KDM6B: variants seen among roughly 807,000 people sequenced by gnomAD.
The protein encoded by KDM6B is lysine demethylase 6B.
A neutral mutation model predicts 150.4 loss-of-function variants in KDM6B; 22 were observed. The observed-to-expected ratio is 0.15, with a 90% CI of 0.10 to 0.21. The LOEUF (loss-of-function observed/expected upper bound fraction) is 0.21, where lower values mean the gene tolerates loss of function less well. Among genes scored for constraint, KDM6B ranks in the 10% least tolerant of loss-of-function variants. The probability of loss-of-function intolerance (pLI) is 1.00; values close to 1 mark genes in which losing one functional copy is unlikely to be tolerated. For missense variants in KDM6B, 1,984 were observed against 2,234.3 expected, an observed-to-expected ratio of 0.89 and a Z score of 2.26; for synonymous variants, 1,148 against 921.1, an observed-to-expected ratio of 1.25 and a Z score of -4.46.
chr17:7,845,251 C>T, intron 3 of KDM6B, 63 bp from the exon 4 acceptor site: 1 of 541,270 alleles, frequency 1.8e-6, no homozygotes, highest in Non-Finnish European at 3.3e-6. Flanking sequence ...GTCCGCCCAT[C>T]CCAGCCCCTG....
In KDM6B at chr17:7,845,649, C is replaced by T. The variant is rs753819960; in HGVS notation, c.95C>T (p.Pro32Leu). 54 of 1,614,040 alleles carry T rather than the reference C, an allele frequency of 3.3e-5. No homozygotes were observed. Among genetic ancestry groups the T allele is most frequent in the East Asian group, 4.5e-5 (2 of 44,888 alleles). ...LSCAGAWSSC[P>L]PHPPPRSAWL... is the part of the protein sequence containing the mutation. ...TGTGCTGGGGCCTGGAGCTCCTGCC[C>T]GCCTCATCCCCCTCCTCGTAGCGCA... Residue 32 changes from proline (P) to leucine (L), a missense_variant, in exon 5 of 24, where the codon CCG becomes CTG. This residue lies in a region of KDM6B where 337 missense variants were observed against 323.9 expected (regional missense o/e 1.04). Transcript: ENST00000448097.
At chr17:7,836,380 C>T (rs1358577358) in intron 1 of KDM6B, among the ~76,000 whole-genome samples, 1 of 152,230 alleles carries the variant, frequency 6.6e-6, no homozygotes, top group Admixed American at 6.5e-5. Context: ...TTCCTCTCGC[C>T]GTGTCCTGGT....
intron 2 of KDM6B, chr17:7,840,677 TTCTC>T (rs1240879704): frequency 6.6e-6 from 1 of 152,272 alleles, no homozygotes; most frequent in African/African-American, 2.4e-5. Flanking sequence ...GGGGCTTAAG[TTCTC>T]TCTGTGTTGT....
chr17:7,851,841 A>T, intron 18 of KDM6B, 45 bp downstream of exon 18: 1 of 1,563,234 alleles, frequency 6.4e-7, no homozygotes, highest in Non-Finnish European at 8.7e-7. Context: ...GCGCGAGAGG[A>T]GGGGCTGGCG....
chr17:7,834,500 G>C (rs1018613181), intron 1 of KDM6B, among the ~76,000 whole-genome samples, 150 bp downstream of exon 1: 13 of 152,066 alleles, frequency 8.5e-5, no homozygotes, highest in Non-Finnish European at 1.9e-4. Flanking sequence ...GGAGGTCATG[G>C]GTCCCCTAGA....
At position 7,848,911 on chromosome 17, in the gene KDM6B, G is replaced by A. The variant is rs761513384; in HGVS notation, c.2623G>A (p.Gly875Ser). 229 of 1,603,400 alleles carry A rather than the reference G, an allele frequency of 1.4e-4. No individual in the cohort carries two copies. Among genetic ancestry groups the A allele is most frequent in the Non-Finnish European group, 1.8e-4 (211 of 1,173,824 alleles). The change falls in exon 12 of 24, where the codon GGC (glycine) becomes AGC (serine). Residue 875 changes from glycine to serine, a missense_variant. Around this residue, in one of 13 missense-constraint regions of KDM6B, gnomAD observed 1,379 missense variants for 1,275.6 expected, o/e 1.08. Coordinates refer to ENST00000448097, the MANE Select transcript of KDM6B (RefSeq NM_001348716.2). ...CTCGTCATCTCAGTTCTCTACCTCA[G>A]GCGGGCCCTGGGCCCGGGAGCGCAG... ...ASSSSQFSTS[G>S]GPWARERRAG...
Position 7,846,121 on chromosome 17 carries a change from C to T in KDM6B, c.280C>T (p.His94Tyr), listed in dbSNP as rs760829630. The T allele has an allele frequency of 5.0e-6, 8 of 1,613,050 alleles. No individual in the cohort carries two copies. The highest frequency in any genetic ancestry group is 6.8e-6 in the Non-Finnish European group (8 of 1,179,756). ...CCTCCATGGGAAGCTGGAATCCCTG[C>T]ATGGCTGTGTGCAGGCATTGCTCCG... ...RPLHGKLESL[H>Y]GCVQALLREP... Residue 94 changes from histidine (H) to tyrosine (Y), a missense_variant, in exon 7 of 24, where the codon CAT (histidine) becomes TAT (tyrosine). Around this residue, in one of 13 missense-constraint regions of KDM6B, gnomAD observed 337 missense variants for 323.9 expected, o/e 1.04. Transcript: ENST00000448097.
intron 23 of KDM6B, 42 bp from the exon 24 acceptor site, chr17:7,853,456 G>A (rs1567805381): frequency 6.6e-7 from 1 of 1,513,964 alleles, no homozygotes; most frequent in South Asian, 1.2e-5. Flanking sequence ...CGGGAGCCCG[G>A]CCGCGCCTTT....
chr17:7,853,484 C>T lies in KDM6B; in HGVS notation c.4909-14C>T, dbSNP rs1354507638. The T allele has an allele frequency of 3.5e-5, 52 of 1,504,024 alleles. No individual in the cohort carries two copies. Among genetic ancestry groups the T allele is most frequent in the East Asian group, 2.5e-5 (1 of 39,906 alleles). 93.2% of individuals were successfully genotyped at this position (1,504,024 alleles called of 1,614,324 possible). A position where few individuals can be genotyped will look rare whatever the true frequency, so the allele number is the denominator to read the frequency against. The stretch of plus-strand genomic sequence containing the variant: ...GCGCCTTTCCCTGAGCCCCCGCCGG[C>T]TTTCTCCCCCCAGGCCCCAGCCAGC... On this transcript the variant is annotated splice_polypyrimidine_tract_variant and intron_variant, in intron 23 of 23. Coordinates refer to ENST00000448097, the MANE Select transcript of KDM6B (RefSeq NM_001348716.2).
Position 7,844,851 on chromosome 17 carries a change from C to A in KDM6B, c.-268-50C>A. 6.3e-6 allele frequency: 1 copy of A among 158,146 alleles called. No homozygotes were observed. The highest frequency in any genetic ancestry group is 1.4e-5 in the Non-Finnish European group (1 of 70,792). The allele number at this position is 158,146 out of a possible 1,614,324, so 9.8% of individuals were successfully genotyped here. A position where few individuals can be genotyped will look rare whatever the true frequency, so the allele number is the denominator to read the frequency against. On this transcript the variant is annotated intron_variant, in intron 2 of 23. Coordinates refer to ENST00000448097, the MANE Select transcript of KDM6B (RefSeq NM_001348716.2). This position sits in a 1 kb window ranked among gnomAD's most constrained non-coding sequence, Gnocchi z 5.9. ...TCTGACCGGCTCCCGCGCCCCTCCT[C>A]CCCCGGCCACCGCTGCCGGGCTCAC...
rs1207993046 is a variant in KDM6B at position 7,849,243 on chromosome 17, G to A, written c.2955G>A (p.Arg985=). The A allele has an allele frequency of 1.3e-6, 2 of 1,564,572 alleles. No individual in the cohort carries two copies. Among genetic ancestry groups the A allele is most frequent in the Middle Eastern group, 1.7e-4 (1 of 6,004 alleles). Reference sequence around the variant, plus strand: ...AGGAGCATCAGAAGGAGCATCGGCGGCACAGGCGGGCCTGTAAGGACAGTG... The same window carrying A: ...AGGAGCATCAGAAGGAGCATCGGCGACACAGGCGGGCCTGTAAGGACAGTG... ...RQKEHQKEHR[R]HRRACKDSVG... is the part of the protein sequence containing the mutation. Residue 985 remains arginine (R), a synonymous_variant, in exon 12 of 24, where the codon CGG becomes CGA. Transcript: ENST00000448097.
Position 7,845,680 on chromosome 17 carries a change from G to A in KDM6B, c.126G>A (p.Leu42=). The change falls in exon 5 of 24, where the codon CTG becomes CTA. Residue 42 remains leucine (L), a synonymous_variant. Coordinates refer to ENST00000448097, the MANE Select transcript of KDM6B (RefSeq NM_001348716.2). ...PPHPPPRSAW[L]PGGRCSASIG... is the part of the protein sequence containing the mutation. The stretch of plus-strand genomic sequence containing the variant: ...ATCCCCCTCCTCGTAGCGCATGGCT[G>A]CCTGGAGGCAGGTGAGAAGTTGGGG... 1 of 1,614,106 alleles carries A rather than the reference G, an allele frequency of 6.2e-7. No individual in the cohort carries two copies. Among genetic ancestry groups the A allele is most frequent in the Non-Finnish European group, 8.5e-7 (1 of 1,180,020 alleles).
At chr17:7,847,517 G>T in intron 11 of KDM6B, 29 bp from the exon 12 acceptor site, 1 of 1,612,484 alleles carries the variant, frequency 6.2e-7, no homozygotes, top group Non-Finnish European at 8.5e-7. Flanking sequence ...CCCGAGCAAT[G>T]CTCCTACCAC....
In KDM6B at chr17:7,849,122, C is replaced by T. The variant is rs761970358; in HGVS notation, c.2834C>T (p.Ala945Val). 76 of 1,612,284 alleles carry T rather than the reference C, an allele frequency of 4.7e-5. No individual in the cohort carries two copies. The highest frequency in any genetic ancestry group is 5.8e-5 in the Non-Finnish European group (68 of 1,179,874). The change falls in exon 12 of 24, where the codon GCG becomes GTG. Residue 945 changes from alanine to valine, a missense_variant. Physicochemically the swap from Ala to Val is moderately conservative, Grantham distance 64. Coordinates refer to ENST00000448097, the MANE Select transcript of KDM6B (RefSeq NM_001348716.2). ...PADPVDTAEPADSGTERLLPP... is the reference protein window; with the variant it reads ...PADPVDTAEPVDSGTERLLPP... ...GACCCAGTGGACACAGCAGAGCCAG[C>T]GGACAGTGGGACTGAGCGACTGCTG...
intron 7 of KDM6B, 27 bp from the exon 8 acceptor site, chr17:7,846,373 C>A: frequency 1.9e-6 from 1 of 520,094 alleles, no homozygotes; most frequent in South Asian, 1.5e-5. Context: ...TGACATCTGC[C>A]CCTGCCCCGT....
chr17:7,836,381 G>T (rs922715778), intron 1 of KDM6B, among the ~76,000 whole-genome samples: 1 of 152,170 alleles, frequency 6.6e-6, no homozygotes, highest in Non-Finnish European at 1.5e-5. Context: ...TCCTCTCGCC[G>T]TGTCCTGGTT....
At chr17:7,837,494 T>TA (rs2078350251) in intron 1 of KDM6B, among the ~76,000 whole-genome samples, 1 of 152,314 alleles carries the variant, frequency 6.6e-6, no homozygotes, top group South Asian at 2.1e-4. Flanking sequence ...TCTTCTCTAT[T>TA]AAGTCCCAGG....
chr17:7,852,917 T>C, intron 21 of KDM6B, 83 bp from the exon 22 acceptor site: 1 of 1,582,102 alleles, frequency 6.3e-7, no homozygotes, highest in Non-Finnish European at 8.7e-7. Context: ...GCCCTGGGGC[T>C]GCCCACCCCT....
chr17:7,847,838 C>T lies in KDM6B; in HGVS notation c.1550C>T (p.Pro517Leu). The T allele has an allele frequency of 1.3e-6, 2 of 1,536,970 alleles. No homozygotes were observed. The highest frequency in any genetic ancestry group is 1.8e-6 in the Non-Finnish European group (2 of 1,133,752). Residue 517 changes from proline (P) to leucine (L), a missense_variant, in exon 12 of 24, where the codon CCA (proline) becomes CTA (leucine). This residue lies in a region of KDM6B where 1,379 missense variants were observed against 1,275.6 expected (regional missense o/e 1.08). Transcript: ENST00000448097. ...GAGGGACCCCCCCGCCCTGCCCCAC[C>T]ACCCCTCCCCCATCGCGAGGGCTTC... ...GTEGPPRPAP[P>L]PLPHREGFLG...
Sources: gnomAD v4.1 joint callset for allele counts (sites outside exome capture counted in the v4.1 genomes callset) on GRCh38, gnomAD v4.1.1 for gene constraint, gnomAD v4.1.1 regional missense constraint, Gnocchi (gnomAD v3.1) non-coding constraint, MANE v1.5 for transcripts, NCBI Gene and HGNC (gene_info 2026-07-23, HGNC 2026-07-21) for gene names.